Variants in SEZ6L observed in about 807,000 individuals in gnomAD.
SEZ6L encodes the protein seizure related 6 homolog like.
Under a neutral mutation model 106.2 loss-of-function variants are expected in SEZ6L, and 37 were observed. The observed-to-expected ratio is 0.35, with a 90% CI of 0.27 to 0.46. The LOEUF is 0.46. SEZ6L is among the 20% of genes least tolerant of loss of function. The pLI, the probability that SEZ6L is intolerant of heterozygous loss-of-function variation, is 1.00. For synonymous variants in SEZ6L, 541 were observed against 570.4 expected (o/e 0.95, Z 0.73); for missense variants, 1,172 against 1,332.8 (o/e 0.88, Z 1.88).
chr22:26,254,567 A>G (rs2079740577), intron 1 of SEZ6L, among the ~76,000 whole-genome samples: 2 of 152,142 alleles, frequency 1.3e-5, no homozygotes, highest in Admixed American at 1.3e-4. Flanking sequence ...GCAGTGAGCT[A>G]TGATTGTGAC....
chr22:26,240,118 A>C (rs934003468), intron 1 of SEZ6L, among the ~76,000 whole-genome samples: 1 of 151,022 alleles, frequency 6.6e-6, no homozygotes, highest in Non-Finnish European at 1.5e-5. Context: ...ACACACACAC[A>C]CACCATTGCA....
chr22:26,318,435 G>A (rs889311347), intron 9 of SEZ6L, among the ~76,000 whole-genome samples: 1 of 150,172 alleles, frequency 6.7e-6, no homozygotes, highest in Non-Finnish European at 1.5e-5. Flanking sequence ...CCTACTGGCT[G>A]AATCCAAACT....
rs1032582334 is a variant in SEZ6L, at chr22:26,173,774, C to CT, written c.94+4014dup. On this transcript the variant is annotated intron_variant, in intron 1 of 16. Coordinates refer to ENST00000248933, the MANE Select transcript of SEZ6L (RefSeq NM_021115.5). The stretch of plus-strand genomic sequence containing the variant: ...TATCTGGTGAGTGTCTGTCATCTCT[C>CT]TTTCTGCTTTGCAGACAGCCACTTT... Among the ~76,000 whole-genome samples, 20 of 152,326 alleles carry CT rather than the reference C, an allele frequency of 1.3e-4. No individual in the cohort carries two copies. The South Asian group carries it at 2.9e-3, about 22-fold the overall frequency.
At chr22:26,347,308 C>T (rs1215137938) in intron 10 of SEZ6L, among the ~76,000 whole-genome samples, 2 of 151,950 alleles carry the variant, frequency 1.3e-5, no homozygotes, top group Non-Finnish European at 2.9e-5. Flanking sequence ...TGTAAACCCT[C>T]GGAGGTGAGA....
rs949169438 is a variant in SEZ6L, at chr22:26,306,244, C to T, written c.1514+100C>T. On this transcript the variant is annotated intron_variant, in intron 6 of 16. Transcript: ENST00000248933. The stretch of plus-strand genomic sequence containing the variant: ...TTGAAATGGCTGAAGCTTTGACCCT[C>T]GGAATTCAAGAAAAGAAGAGCTGGG... 24 of 1,344,602 alleles carry T rather than the reference C, an allele frequency of 1.8e-5. No homozygotes were observed. The East Asian group carries it at 4.2e-4, about 24-fold the overall frequency. The allele number at this position is 1,344,602 out of a possible 1,614,324, so 83.3% of individuals were successfully genotyped here.
chr22:26,239,142 T>A (rs2079037589), intron 1 of SEZ6L, among the ~76,000 whole-genome samples: 1 of 152,194 alleles, frequency 6.6e-6, no homozygotes, highest in Non-Finnish European at 1.5e-5. Flanking sequence ...GAGGATTACA[T>A]GAATCCAGGA....
chr22:26,169,784 G>T, intron 1 of SEZ6L, 21 bp downstream of exon 1: 6 of 1,204,268 alleles, frequency 5.0e-6, no homozygotes, highest in Non-Finnish European at 6.3e-6. Context: ...CGAGGGGCGG[G>T]GCGGGCAGGG....
At chr22:26,297,615 A>G (rs910013851) in intron 4 of SEZ6L, among the ~76,000 whole-genome samples, 1 of 152,162 alleles carries the variant, frequency 6.6e-6, no homozygotes, top group African/African-American at 2.4e-5. Context: ...GACTCCTGAT[A>G]AAGAGCCTTA....
chr22:26,365,688 C>A, intron 13 of SEZ6L, 122 bp downstream of exon 13: 2 of 788,052 alleles, frequency 2.5e-6, no homozygotes, highest in South Asian at 2.2e-5. Context: ...GCCGAGGCAA[C>A]ATAGTGAGAC....
chr22:26,227,909 A>T (rs1221196044), intron 1 of SEZ6L, among the ~76,000 whole-genome samples: 1 of 152,232 alleles, frequency 6.6e-6, no homozygotes, highest in African/African-American at 2.4e-5. Flanking sequence ...AGAACTCACA[A>T]TGCCCATCTG....
At position 26,311,876 on chromosome 22, in the gene SEZ6L, G is replaced by A; in HGVS notation, c.1790G>A (p.Gly597Asp). Residue 597 changes from glycine (G) to aspartate (D), a missense_variant, in exon 8 of 17, where the codon GGC (glycine) becomes GAC (aspartate). Transcript: ENST00000248933. ...GTIVEFTCDP[G>D]HSLEQGPAII... ...ATAGTGGAGTTCACCTGCGACCCCG[G>A]CCACTCCCTGGAGCAGGGCCCGGCC... The A allele has an allele frequency of 6.2e-7, 1 of 1,614,154 alleles. No individual in the cohort carries two copies. Among genetic ancestry groups the A allele is most frequent in the Non-Finnish European group, 8.5e-7 (1 of 1,180,030 alleles).
chr22:26,324,337 A>G (rs2082247312), intron 9 of SEZ6L, among the ~76,000 whole-genome samples: 1 of 152,120 alleles, frequency 6.6e-6, no homozygotes, highest in African/African-American at 2.4e-5. Context: ...GAGCCCCAGC[A>G]CAGTTCTCTA....
chr22:26,193,520 CT>C (rs1940382519), intron 1 of SEZ6L, among the ~76,000 whole-genome samples: 1 of 152,120 alleles, frequency 6.6e-6, no homozygotes, highest in Non-Finnish European at 1.5e-5. Flanking sequence ...GAACGGTATG[CT>C]TTTTTACAAT....
chr22:26,255,072 TTC>T (rs1331822306), intron 1 of SEZ6L, among the ~76,000 whole-genome samples: 1 of 152,204 alleles, frequency 6.6e-6, no homozygotes, highest in Non-Finnish European at 1.5e-5. Context: ...TACTTTAGAA[TTC>T]TCTCTTTTTA....
intron 14 of SEZ6L, 43 bp downstream of exon 14, chr22:26,373,526 C>T (rs5761501): frequency 1.4e-6 from 2 of 1,478,590 alleles, no homozygotes; most frequent in Non-Finnish European, 1.9e-6. Context: ...ATAAATCAAA[C>T]TAATAGCACA....
intron 1 of SEZ6L, chr22:26,244,519 T>C (rs1284165843): frequency 1.3e-5 from 2 of 152,244 alleles, no homozygotes; most frequent in African/African-American, 4.8e-5. Flanking sequence ...ATATTTGTTT[T>C]AAATAGTGTA....
rs2081195432 is a variant in SEZ6L, at chr22:26,293,220, A to G, written c.835+74A>G. On this transcript the variant is annotated intron_variant, in intron 2 of 16. Coordinates refer to ENST00000248933, the MANE Select transcript of SEZ6L (RefSeq NM_021115.5). Reference sequence around the variant, plus strand: ...CTCACTATGTTCAGGGCATGTGGGTAGAGGAATCTCAAGAAGCCCCGGCCC... The same window carrying G: ...CTCACTATGTTCAGGGCATGTGGGTGGAGGAATCTCAAGAAGCCCCGGCCC... 2.8e-6 allele frequency: 4 copies of G among 1,442,200 alleles called. No homozygotes were observed. The South Asian group carries it at 4.4e-5, about 16-fold the overall frequency. 89.3% of individuals were successfully genotyped at this position (1,442,200 alleles called of 1,614,324 possible).
intron 10 of SEZ6L, among the ~76,000 whole-genome samples, chr22:26,343,080 C>T (rs2082894297): frequency 6.6e-6 from 1 of 152,124 alleles, no homozygotes; most frequent in African/African-American, 2.4e-5. Flanking sequence ...GCTACAATTT[C>T]TTGTGGGTTC....
At chr22:26,221,480 C>T (rs1220383657) in intron 1 of SEZ6L, among the ~76,000 whole-genome samples, 11 of 152,150 alleles carry the variant, frequency 7.2e-5, no homozygotes, top group Admixed American at 6.5e-5. Context: ...CTCCCAGAGC[C>T]TCCATTGCCC....
Sources: gnomAD v4.1 joint callset for allele counts (sites outside exome capture counted in the v4.1 genomes callset) on GRCh38, gnomAD v4.1.1 for gene constraint, MANE v1.5 for transcripts, NCBI Gene and HGNC (gene_info 2026-07-23, HGNC 2026-07-21) for gene names.